Variants in IL1RAPL2 observed in about 807,000 individuals in gnomAD.
IL1RAPL2 encodes the protein interleukin 1 receptor accessory protein like 2, also known as X-linked interleukin-1 receptor accessory protein-like 2.
A neutral mutation model predicts 44.1 loss-of-function variants in IL1RAPL2; 3 were observed. The ratio of observed to expected loss-of-function variants is 0.07; its 90% CI spans 0.03 to 0.18. IL1RAPL2 has a LOEUF of 0.18. IL1RAPL2 is among the 10% of genes least tolerant of loss of function. The pLI is 1.00. For synonymous variants in IL1RAPL2, 181 were observed against 178.8 expected (o/e 1.01, Z -0.10); for missense variants, 391 against 496.4 (o/e 0.79, Z 2.02).
At chrX:105,173,830 T>A (rs1246095363) in intron 2 of IL1RAPL2, among the ~76,000 whole-genome samples, 1 of 109,626 alleles carries the variant, frequency 9.1e-6, no homozygotes, top group East Asian at 2.9e-4. Context: ...CCGCCCAGGT[T>A]CTTGCAATTT....
chrX:104,741,384 A>G (rs1040661323), intron 2 of IL1RAPL2, among the ~76,000 whole-genome samples: 3 of 111,398 alleles, frequency 2.7e-5, no homozygotes, highest in Admixed American at 1.9e-4. Context: ...CAATTTACAA[A>G]AACTCAATTT....
At chrX:105,477,267 A>G (rs914145229) in intron 5 of IL1RAPL2, among the ~76,000 whole-genome samples, 1 of 111,726 alleles carries the variant, frequency 9.0e-6, no homozygotes, top group African/African-American at 3.3e-5. Flanking sequence ...TGATTTTTCT[A>G]TACTTTTTCC....
At chrX:104,769,728 T>C (rs903488847) in intron 2 of IL1RAPL2, among the ~76,000 whole-genome samples, 1 of 112,032 alleles carries the variant, frequency 8.9e-6, no homozygotes, top group African/African-American at 3.2e-5. Flanking sequence ...TCCAGTTGTG[T>C]ATTCACAACT....
At chrX:105,081,201 C>G (rs1056393517) in intron 2 of IL1RAPL2, among the ~76,000 whole-genome samples, 5 of 110,987 alleles carry the variant, frequency 4.5e-5, no homozygotes, top group Non-Finnish European at 9.4e-5. Flanking sequence ...TATTTAAATA[C>G]CCTTTATTTC....
intron 3 of IL1RAPL2, among the ~76,000 whole-genome samples, chrX:105,213,089 C>A (rs1352554266): frequency 1.8e-5 from 2 of 110,460 alleles, no homozygotes; most frequent in Non-Finnish European, 3.8e-5. Context: ...GATTGCCACT[C>A]CTCTCCAGCA....
At chrX:104,908,191 G>A (rs189573344) in intron 2 of IL1RAPL2, among the ~76,000 whole-genome samples, 1 of 111,582 alleles carries the variant, frequency 9.0e-6, no homozygotes, top group East Asian at 2.8e-4. Context: ...TTGAGCCTAT[G>A]TGTGTCTCTG....
chrX:104,802,777 A>T (rs1335795611), intron 2 of IL1RAPL2, among the ~76,000 whole-genome samples: 1 of 111,738 alleles, frequency 8.9e-6, no homozygotes, highest in Non-Finnish European at 1.9e-5. Flanking sequence ...TAAAGCAGCT[A>T]GGCAAAAGTT....
chrX:104,892,438 G>T (rs917081989), intron 2 of IL1RAPL2, among the ~76,000 whole-genome samples: 3 of 111,276 alleles, frequency 2.7e-5, no homozygotes, highest in African/African-American at 9.8e-5. Flanking sequence ...ACTTTTTTTG[G>T]TTGGTAGTCT....
chrX:104,672,730 C>A (rs1218385069), intron 2 of IL1RAPL2, among the ~76,000 whole-genome samples: 1 of 104,323 alleles, frequency 9.6e-6, no homozygotes, highest in Non-Finnish European at 2.0e-5. Flanking sequence ...AAAAGTGTTC[C>A]TATTTCTCCA....
At chrX:105,183,126 G>A (rs1433887667) in intron 2 of IL1RAPL2, among the ~76,000 whole-genome samples, 1 of 111,488 alleles carries the variant, frequency 9.0e-6, no homozygotes, top group Non-Finnish European at 1.9e-5. Context: ...GTGCACATGG[G>A]CACAGATTGT....
chrX:105,089,570 G>A (rs2032517900), intron 2 of IL1RAPL2, among the ~76,000 whole-genome samples: 1 of 111,007 alleles, frequency 9.0e-6, no homozygotes, highest in South Asian at 3.9e-4. Context: ...AAACTTACTT[G>A]TTCTGAGTCA....
intron 6 of IL1RAPL2, among the ~76,000 whole-genome samples, chrX:105,592,207 G>A (rs777145064): frequency 9.0e-6 from 1 of 111,519 alleles, no homozygotes; most frequent in Admixed American, 9.5e-5. Context: ...TTGGTTTAAG[G>A]TCTGTTTTGT....
intron 2 of IL1RAPL2, among the ~76,000 whole-genome samples, chrX:104,659,477 A>C (rs1348289764): frequency 8.9e-6 from 1 of 111,994 alleles, no homozygotes; most frequent in East Asian, 2.8e-4. Context: ...AATTGCCCGA[A>C]GAGGAATTTC....
Position 104,941,669 on chromosome X carries a change from G to A in IL1RAPL2, c.83-253806G>A, listed in dbSNP as rs182278709. On this transcript the variant is annotated intron_variant, in intron 2 of 10. Transcript: ENST00000372582. Reference sequence around the variant, plus strand: ...TAGATCGCCTGTTCACTCTGATGGTGGTTTCTTTTCCTGTGCAGAAGCTCT... The same window carrying A: ...TAGATCGCCTGTTCACTCTGATGGTAGTTTCTTTTCCTGTGCAGAAGCTCT... Among the ~76,000 whole-genome samples the A allele has an allele frequency of 1.4e-4, 15 of 111,084 alleles. No homozygotes were observed. The South Asian group carries it at 2.6e-3, about 20-fold the overall frequency.
chrX:105,497,368 T>A (rs965431703), intron 6 of IL1RAPL2, among the ~76,000 whole-genome samples: 1 of 110,971 alleles, frequency 9.0e-6, no homozygotes, highest in Non-Finnish European at 1.9e-5. Flanking sequence ...AGACAAATAA[T>A]GAGTAAGGAT....
intron 2 of IL1RAPL2, among the ~76,000 whole-genome samples, chrX:105,092,348 G>C (rs1207916907): frequency 9.0e-6 from 1 of 111,332 alleles, no homozygotes; most frequent in Non-Finnish European, 1.9e-5. Flanking sequence ...GCAGGGAAAT[G>C]ATACAAATTA....
intron 8 of IL1RAPL2, among the ~76,000 whole-genome samples, chrX:105,742,562 C>T (rs1291849552): frequency 9.0e-6 from 1 of 111,261 alleles, no homozygotes; most frequent in African/African-American, 3.3e-5. Context: ...CTGCTACCAC[C>T]CAAGGCTTCT....
intron 2 of IL1RAPL2, among the ~76,000 whole-genome samples, chrX:105,140,450 C>T (rs1243162192): frequency 8.9e-6 from 1 of 111,740 alleles, no homozygotes; most frequent in African/African-American, 3.3e-5. Flanking sequence ...TATAATGAAC[C>T]TGGAACGTGA....
At chrX:105,376,099 AG>A (rs2035385386) in intron 5 of IL1RAPL2, among the ~76,000 whole-genome samples, 1 of 111,902 alleles carries the variant, frequency 8.9e-6, no homozygotes, top group Admixed American at 9.5e-5. Flanking sequence ...TAGATGATTA[AG>A]AAAAGCCAGG....
Sources: gnomAD v4.1 joint callset for allele counts (sites outside exome capture counted in the v4.1 genomes callset) on GRCh38, gnomAD v4.1.1 for gene constraint, MANE v1.5 for transcripts, NCBI Gene and HGNC (gene_info 2026-07-23, HGNC 2026-07-21) for gene names.